The following PARP12 variants were observed in gnomAD, a reference collection of about 807,000 sequenced individuals.
PARP12 encodes protein mono-ADP-ribosyltransferase PARP12.
In PARP12, 59 loss-of-function variants were observed where a neutral mutation model predicts 72.4. The observed-to-expected ratio is 0.81, with a 90% CI of 0.66 to 1.01. PARP12 has a LOEUF of 1.01. Among genes scored for constraint, PARP12 ranks in the 50% least tolerant of loss-of-function variants. The pLI is 0.00. For missense variants in PARP12, 851 were observed against 914.0 expected, an observed-to-expected ratio of 0.93 and a Z score of 0.89; for synonymous variants, 403 against 371.4, an observed-to-expected ratio of 1.09 and a Z score of -0.98.
intron 4 of PARP12, among the ~76,000 whole-genome samples, chr7:140,053,090 T>TAA (rs61106738): frequency 0.54 from 81,373 of 151,838 alleles, 24,410 homozygotes; most frequent in African/African-American, 0.82. Flanking sequence ...TAACTATGTC[T>TAA]GTCTTTTACC....
rs555377162 is a variant in PARP12, at chr7:140,057,209, C to T, written c.463-56G>A. Reference sequence around the variant, plus strand: ...TCAGGAAGGTCTCACACGACACCACCTCCCCAGTGGCCAGTCCACTGGTGA... The same window carrying T: ...TCAGGAAGGTCTCACACGACACCACTTCCCCAGTGGCCAGTCCACTGGTGA... On this transcript the variant is annotated intron_variant, in intron 2 of 11. Coordinates refer to ENST00000263549, the MANE Select transcript of PARP12 (RefSeq NM_022750.4). 3.0e-5 allele frequency: 46 copies of T among 1,524,594 alleles called. No individual in the cohort carries two copies. In the African/African-American group the frequency reaches 5.8e-4, roughly 19 times the overall value. The allele number at this position is 1,524,594 out of a possible 1,614,324, so 94.4% of individuals were successfully genotyped here. A position where few individuals can be genotyped will look rare whatever the true frequency, so the allele number is the denominator to read the frequency against.
At chr7:140,027,943 GT>G (rs1247361422) in intron 9 of PARP12, among the ~76,000 whole-genome samples, 1 of 151,924 alleles carries the variant, frequency 6.6e-6, no homozygotes, top group Non-Finnish European at 1.5e-5. Flanking sequence ...ACCCCTTTAG[GT>G]CCTTAGCACT....
intron 5 of PARP12, among the ~76,000 whole-genome samples, chr7:140,044,813 C>A (rs965531853): frequency 6.6e-6 from 1 of 152,106 alleles, no homozygotes; most frequent in Non-Finnish European, 1.5e-5. Flanking sequence ...ACAAAATACA[C>A]AATTACCTCC....
At chr7:140,053,378 A>G (rs1199071799) in intron 4 of PARP12, among the ~76,000 whole-genome samples, 1 of 152,216 alleles carries the variant, frequency 6.6e-6, no homozygotes, top group Non-Finnish European at 1.5e-5. Flanking sequence ...AATTCTAGAA[A>G]AGGCAAATCT....
chr7:140,024,888 G>A lies in PARP12; in HGVS notation c.1781-3C>T, dbSNP rs1246895993. On this transcript the variant is annotated splice_polypyrimidine_tract_variant and splice_region_variant and intron_variant, in intron 11 of 11. Coordinates refer to ENST00000263549, the MANE Select transcript of PARP12 (RefSeq NM_022750.4). ...AGCATCTCGGGCAAAGTAGCTCCCT[G>A]AAATGACACACGAGGGCTCAGCTGG... The A allele has an allele frequency of 1.9e-6, 3 of 1,611,650 alleles. No homozygotes were observed. The highest frequency in any genetic ancestry group is 2.2e-5 in the East Asian group (1 of 44,846).
rs1815649845 is a variant in PARP12 at position 140,024,565 on chromosome 7, G to A, written c.2101C>T (p.Gln701Ter). The stretch of plus-strand genomic sequence containing the variant: ...CCTGGAACACTCCTGTGCGCTCACT[G>A]TCGGCTGCTGAACAGGGAGCCCAAG... ...LALGSLFSSRQ is the reference protein window; with the variant it reads ...LALGSLFSSR The change falls in exon 12 of 12, where the codon CAG becomes TAG. Residue 701 changes from glutamine (Q) to a stop codon, truncating the protein, a stop_gained. Coordinates refer to ENST00000263549, the MANE Select transcript of PARP12 (RefSeq NM_022750.4). LOFTEE classifies it high-confidence loss of function. The A allele has an allele frequency of 1.9e-6, 3 of 1,614,064 alleles. No individual in the cohort carries two copies. The highest frequency in any genetic ancestry group is 2.5e-6 in the Non-Finnish European group (3 of 1,180,044).
At chr7:140,056,827 C>T in intron 3 of PARP12, 29 bp downstream of exon 3, 2 of 1,560,494 alleles carry the variant, frequency 1.3e-6, no homozygotes, top group Non-Finnish European at 1.7e-6. Context: ...GTGCTCCCCA[C>T]CAGCCTTACC....
chr7:140,037,947 T>C, intron 6 of PARP12, 91 bp from the exon 7 acceptor site: 1 of 1,527,938 alleles, frequency 6.5e-7, no homozygotes, highest in Non-Finnish European at 8.8e-7. Flanking sequence ...TCAGAGGTGC[T>C]CCTGGTGGAC....
intron 1 of PARP12, among the ~76,000 whole-genome samples, chr7:140,059,544 G>C (rs535854668): frequency 1.3e-5 from 2 of 152,282 alleles, no homozygotes; most frequent in South Asian, 4.1e-4. Context: ...GGACCCAGAA[G>C]AGTCAGGCCA....
At chr7:140,043,054 A>C (rs61129051) in intron 5 of PARP12, among the ~76,000 whole-genome samples, 1,593 of 152,156 alleles carry the variant, frequency 0.01, 27 homozygotes, top group African/African-American at 0.036. Flanking sequence ...ACTAGCCGGG[A>C]GTGGTGGCGG....
intron 8 of PARP12, chr7:140,033,750 G>A (rs1007406797): frequency 2.0e-6 from 2 of 989,792 alleles, no homozygotes; most frequent in African/African-American, 3.5e-5. Flanking sequence ...CAGCCATCTT[G>A]GGACTGAAAG....
At chr7:140,029,321 A>T (rs1815852424) in intron 8 of PARP12, among the ~76,000 whole-genome samples, 2 of 152,254 alleles carry the variant, frequency 1.3e-5, no homozygotes. Context: ...AAAATTAAAT[A>T]AAAGCAGTTC....
chr7:140,042,517 A>G (rs1816521852), intron 5 of PARP12, among the ~76,000 whole-genome samples: 1 of 152,246 alleles, frequency 6.6e-6, no homozygotes, highest in African/African-American at 2.4e-5. Context: ...ATCGATGAGT[A>G]ACGACAGAGA....
chr7:140,058,667 G>A (rs947154981), intron 1 of PARP12, among the ~76,000 whole-genome samples: 7 of 152,128 alleles, frequency 4.6e-5, no homozygotes, highest in Non-Finnish European at 1.0e-4. Flanking sequence ...TGACAAAATC[G>A]ATTTCTGTCG....
chr7:140,033,479 G>A (rs1476216729), intron 8 of PARP12: 4 of 985,296 alleles, frequency 4.1e-6, no homozygotes, highest in Non-Finnish European at 4.8e-6. Context: ...GCTCTGGCAA[G>A]CCCAAACTGT....
At chr7:140,028,554 C>T in intron 9 of PARP12, 59 bp downstream of exon 9, 2 of 1,429,766 alleles carry the variant, frequency 1.4e-6, no homozygotes, top group Non-Finnish European at 1.9e-6. Flanking sequence ...AGTCTGTTCA[C>T]ACACACCCAC....
intron 7 of PARP12, among the ~76,000 whole-genome samples, chr7:140,036,661 CTG>C (rs2116555585): frequency 6.6e-6 from 1 of 152,278 alleles, no homozygotes; most frequent in East Asian, 1.9e-4. Flanking sequence ...AAACCATAAA[CTG>C]TGTTTAAAGG....
At chr7:140,030,754 C>A (rs755092290) in intron 8 of PARP12, among the ~76,000 whole-genome samples, 24 of 152,366 alleles carry the variant, frequency 1.6e-4, no homozygotes, top group Middle Eastern at 6.8e-3. Context: ...TGACCCAACA[C>A]AAATCTGTAA....
intron 6 of PARP12, 119 bp from the exon 7 acceptor site, chr7:140,037,975 G>A (rs1816286087): frequency 7.5e-6 from 11 of 1,473,612 alleles, no homozygotes; most frequent in Non-Finnish European, 9.9e-6. Flanking sequence ...TGGTGGGGAA[G>A]ATGGAGGCCA....
Sources: allele counts gnomAD v4.1 joint callset (sites outside exome capture counted in the v4.1 genomes callset), GRCh38; gene constraint gnomAD v4.1.1; transcripts MANE v1.5; gene names NCBI Gene and HGNC (gene_info 2026-07-23, HGNC 2026-07-21).